Variants in HSP90AB1 observed in about 807,000 individuals in gnomAD.
The protein encoded by HSP90AB1 is heat shock protein HSP 90-beta.
Under a neutral mutation model 67.8 loss-of-function variants are expected in HSP90AB1, and 17 were observed. The observed-to-expected ratio is 0.25, with a 90% CI of 0.17 to 0.38. HSP90AB1 has a LOEUF of 0.38. Among genes scored for constraint, HSP90AB1 ranks in the 10% least tolerant of loss-of-function variants. The probability of loss-of-function intolerance (pLI) is 1.00; values close to 1 mark genes in which losing one functional copy is unlikely to be tolerated. For synonymous variants in HSP90AB1, 390 were observed against 312.9 expected (o/e 1.25, Z -2.60); for missense variants, 690 against 899.9 (o/e 0.77, Z 2.98).
intron 6 of HSP90AB1, 34 bp downstream of exon 6, chr6:44,250,633 C>T (rs1250012111): frequency 3.3e-6 from 4 of 1,196,082 alleles, no homozygotes; most frequent in Non-Finnish European, 4.9e-6. Flanking sequence ...GCTCAACATG[C>T]ACATATGGAG....
chr6:44,250,600 G>T lies in HSP90AB1; in HGVS notation c.957+1G>T. Reference sequence around the variant, plus strand: ...CTGGGAAGACCACTTGGCAGTCAAGGTGTGAGAAGCCTTTGCATGTTGGCT... The same window carrying T: ...CTGGGAAGACCACTTGGCAGTCAAGTTGTGAGAAGCCTTTGCATGTTGGCT... On this transcript the variant is annotated splice_donor_variant, in intron 6 of 11. Coordinates refer to ENST00000371646, the MANE Select transcript of HSP90AB1 (RefSeq NM_007355.4). LOFTEE classifies it high-confidence loss of function. The T allele has an allele frequency of 6.4e-7, 1 of 1,551,262 alleles. No individual in the cohort carries two copies. The highest frequency in any genetic ancestry group is 8.9e-7 in the Non-Finnish European group (1 of 1,125,428).
At chr6:44,247,912 C>G (rs1278210724) in intron 1 of HSP90AB1, 3 of 152,250 alleles carry the variant, frequency 2.0e-5, no homozygotes, top group Non-Finnish European at 4.4e-5. Context: ...GCGCCCCCTC[C>G]TCGCGTGGTC....
At chr6:44,251,296 T>G in intron 7 of HSP90AB1, 83 bp downstream of exon 7, 6 of 1,549,380 alleles carry the variant, frequency 3.9e-6, no homozygotes, top group Non-Finnish European at 5.3e-6. Flanking sequence ...AAGGTAACAG[T>G]TTTCTGCAAT....
chr6:44,252,953 A>ACCT (rs1780911351), intron 10 of HSP90AB1, 92 bp from the exon 11 acceptor site: 5 of 1,068,744 alleles, frequency 4.7e-6, no homozygotes, highest in African/African-American at 1.6e-5. Flanking sequence ...TGGTCTGTCC[A>ACCT]CCTCCTCCCC....
At chr6:44,248,299 A>T (rs1352823291) in intron 1 of HSP90AB1, among the ~76,000 whole-genome samples, 1 of 152,212 alleles carries the variant, frequency 6.6e-6, no homozygotes, top group Non-Finnish European at 1.5e-5. Context: ...ATCTCTAGAT[A>T]CCTGGGTTGG....
At position 44,253,503 on chromosome 6, in the gene HSP90AB1, G is replaced by A. The variant is rs1274106551; in HGVS notation, c.2080G>A (p.Glu694Lys). The part of the protein sequence containing the change: ...IKLGLGIDED[E>K]VAAEEPNAAV... Reference sequence around the variant, plus strand: ...TTTTACTTCAGGTATTGATGAAGATGAAGTGGCAGCAGAGGAACCCAATGC... The same window carrying A: ...TTTTACTTCAGGTATTGATGAAGATAAAGTGGCAGCAGAGGAACCCAATGC... The change falls in exon 12 of 12, where the codon GAA (glutamate) becomes AAA (lysine). Residue 694 changes from glutamate to lysine, a missense_variant. Glu to Lys is a moderately conservative substitution (Grantham distance 56). Coordinates refer to ENST00000371646, the MANE Select transcript of HSP90AB1 (RefSeq NM_007355.4). The A allele has an allele frequency of 1.2e-6, 2 of 1,613,794 alleles. No individual in the cohort carries two copies. The highest frequency in any genetic ancestry group is 1.7e-6 in the Non-Finnish European group (2 of 1,179,806).
chr6:44,252,504 T>C lies in HSP90AB1; in HGVS notation c.1731+237T>C, dbSNP rs116266688. ...AAAATACCATCATTTTCTTTTTTTT[T>C]TCTTTTTTTGAGATGGGGTCTCGCT... On this transcript the variant is annotated intron_variant, in intron 10 of 11. Transcript: ENST00000371646. Among the ~76,000 whole-genome samples, 685 of 151,990 alleles carry C rather than the reference T, an allele frequency of 4.5e-3. 7 individuals are homozygous for C. The highest frequency in any genetic ancestry group is 0.014 in the African/African-American group (594 of 41,254).
At chr6:44,247,738 C>T (rs1041555543) in intron 1 of HSP90AB1, 1 of 152,268 alleles carries the variant, frequency 6.6e-6, no homozygotes, top group African/African-American at 2.4e-5. Context: ...CCAGATCTTT[C>T]TTGCAGTCCC....
chr6:44,248,807 GT>G (rs58519104), intron 2 of HSP90AB1, 31 bp downstream of exon 2: 767,382 of 1,372,304 alleles, frequency 0.56, 183,524 homozygotes, highest in African/African-American at 0.74. Context: ...ATTTGGCATG[GT>G]TTTTTTTTTT....
chr6:44,248,412 T>G (rs1486017250), intron 1 of HSP90AB1, among the ~76,000 whole-genome samples: 1 of 152,238 alleles, frequency 6.6e-6, no homozygotes, highest in Admixed American at 6.5e-5. Flanking sequence ...GAAGAATATT[T>G]AGCTTATTTT....
At position 44,250,062 on chromosome 6, in the gene HSP90AB1, AAAG is replaced by A. The variant is rs1561898868; in HGVS notation, c.561_563del (p.Glu187del). 1.9e-6 allele frequency: 3 copies of A among 1,614,156 alleles called. No homozygotes were observed. Among genetic ancestry groups the A allele is most frequent in the Non-Finnish European group, 8.5e-7 (1 of 1,179,978 alleles). On this transcript the variant is annotated inframe_deletion, in exon 5 of 12. Coordinates refer to ENST00000371646, the MANE Select transcript of HSP90AB1 (RefSeq NM_007355.4). ...GGGTACCAAAGTGATCCTCCATCTT[AAAG>A]AAGATCAGACAGAGTACCTAGAAGA...
In HSP90AB1 at chr6:44,253,049, C is replaced by T. The variant is rs762911166; in HGVS notation, c.1736C>T (p.Thr579Ile). 1.2e-6 allele frequency: 2 copies of T among 1,613,024 alleles called. No homozygotes were observed. The highest frequency in any genetic ancestry group is 1.1e-5 in the South Asian group (1 of 91,060). Residue 579 changes from threonine to isoleucine, a missense_variant, in exon 11 of 12, where the codon ACA (threonine) becomes ATA (isoleucine). This residue lies in a region of HSP90AB1 where 206 missense variants were observed against 221.4 expected (regional missense o/e 0.93). Coordinates refer to ENST00000371646, the MANE Select transcript of HSP90AB1 (RefSeq NM_007355.4). The part of the protein sequence containing the change: ...EILDKKVEKV[T>I]ISNRLVSSPC... ...GGCTTTTGTGATCGTCCACAGGTGA[C>T]AATCTCCAATAGACTTGTGTCTTCA...
chr6:44,248,610 T>C lies in HSP90AB1; in HGVS notation c.1-20T>C. On this transcript the variant is annotated intron_variant, in intron 1 of 11. Coordinates refer to ENST00000371646, the MANE Select transcript of HSP90AB1 (RefSeq NM_007355.4). ...TGGGGCCTTAGTGTTCTTTTGTAAT[T>C]AATGAGATTTTTATTTTAGATGCCT... The C allele has an allele frequency of 1.9e-6, 3 of 1,597,220 alleles. No individual in the cohort carries two copies. Among genetic ancestry groups the C allele is most frequent in the Non-Finnish European group, 2.6e-6 (3 of 1,174,640 alleles).
chr6:44,253,016 C>A (rs1168879461), intron 10 of HSP90AB1, 29 bp from the exon 11 acceptor site: 2 of 1,577,630 alleles, frequency 1.3e-6, no homozygotes, highest in Non-Finnish European at 1.7e-6. Flanking sequence ...GTGGTAATGT[C>A]AATCTAAGGC....
chr6:44,248,814 T>C, intron 2 of HSP90AB1, 38 bp downstream of exon 2: 3 of 1,584,432 alleles, frequency 1.9e-6, no homozygotes, highest in Non-Finnish European at 2.6e-6. Flanking sequence ...ATGGTTTTTT[T>C]TTTTGATACT....
intron 8 of HSP90AB1, 29 bp downstream of exon 8, chr6:44,251,637 T>C: frequency 6.3e-7 from 1 of 1,589,632 alleles, no homozygotes; most frequent in South Asian, 1.1e-5. Context: ...CTTATTCCCT[T>C]TACCACTTTC....
Position 44,252,797 on chromosome 6 carries a change from G to A in HSP90AB1, c.1732-248G>A, listed in dbSNP as rs539958386. ...CAGGCGCAAGCCACCATGCCTGGCC[G>A]ATTTTTTTTTTTTTTGGACTGGATC... On this transcript the variant is annotated intron_variant, in intron 10 of 11. Transcript: ENST00000371646. Among the ~76,000 whole-genome samples the A allele has an allele frequency of 6.7e-5, 10 of 148,616 alleles. No individual in the cohort carries two copies. In the East Asian group the frequency reaches 7.8e-4, roughly 12 times the overall value.
At chr6:44,247,246 G>T (rs1231572779) in intron 1 of HSP90AB1, 51 bp downstream of exon 1, 1 of 152,318 alleles carries the variant, frequency 6.6e-6, no homozygotes, top group Admixed American at 6.5e-5. Context: ...CTGTATTCGT[G>T]TTGTTTTTGT....
intron 1 of HSP90AB1, 160 bp from the exon 2 acceptor site, chr6:44,248,470 G>C: frequency 1.8e-6 from 1 of 555,458 alleles, no homozygotes; most frequent in Non-Finnish European, 3.1e-6. Context: ...TGTAGTCTGA[G>C]ATCTTTAAGA....
Sources: gnomAD v4.1 joint callset for allele counts (sites outside exome capture counted in the v4.1 genomes callset) on GRCh38, gnomAD v4.1.1 for gene constraint, gnomAD v4.1.1 regional missense constraint, MANE v1.5 for transcripts, NCBI Gene and HGNC (gene_info 2026-07-23, HGNC 2026-07-21) for gene names.